Variants in EPHA2 observed in about 807,000 individuals in gnomAD.
EPHA2 encodes EPH receptor A2.
A neutral mutation model predicts 104.9 loss-of-function variants in EPHA2; 54 were observed. That is an observed-to-expected ratio of 0.51 (90% CI 0.41 to 0.65). The LOEUF is 0.65. Ranked by LOEUF, EPHA2 falls within the 30% of genes least tolerant of loss-of-function variation. The probability of loss-of-function intolerance (pLI) is 0.00; values close to 1 mark genes in which losing one functional copy is unlikely to be tolerated. For missense variants in EPHA2, 1,117 were observed against 1,369.5 expected, an observed-to-expected ratio of 0.82 and a Z score of 2.91; for synonymous variants, 560 against 559.1, an observed-to-expected ratio of 1.00 and a Z score of -0.02.
At chr1:16,143,929 G>A (rs1390830190) in intron 3 of EPHA2, among the ~76,000 whole-genome samples, 1 of 152,154 alleles carries the variant, frequency 6.6e-6, no homozygotes, top group Non-Finnish European at 1.5e-5. Flanking sequence ...CAGAAGGGGG[G>A]CTGCCCCCAG....
intron 3 of EPHA2, among the ~76,000 whole-genome samples, chr1:16,145,455 G>A (rs778130646): frequency 2.6e-5 from 4 of 152,136 alleles, no homozygotes; most frequent in Non-Finnish European, 4.4e-5. Flanking sequence ...GAGGAGAAAC[G>A]GACAAACTGG....
At chr1:16,129,913 A>G (rs2024541920) in intron 15 of EPHA2, among the ~76,000 whole-genome samples, 1 of 152,222 alleles carries the variant, frequency 6.6e-6, no homozygotes, top group Non-Finnish European at 1.5e-5. Flanking sequence ...CATGTAAGAT[A>G]TTCAATCGCC....
At chr1:16,141,972 G>C (rs1391815091) in intron 3 of EPHA2, among the ~76,000 whole-genome samples, 1 of 152,188 alleles carries the variant, frequency 6.6e-6, no homozygotes, top group Non-Finnish European at 1.5e-5. Context: ...CAGAGTTCAT[G>C]AGTAGGACAC....
In EPHA2 at chr1:16,149,007, T is replaced by G. The variant is rs2024987813; in HGVS notation, c.194A>C (p.Tyr65Ser). Residue 65 changes from tyrosine to serine, a missense_variant, in exon 3 of 17, where the codon TAC becomes TCC. Coordinates refer to ENST00000358432, the MANE Select transcript of EPHA2 (RefSeq NM_004431.5). ...MQNIMNDMPI[Y>S]MYSVCNVMSG... Reference sequence around the variant, plus strand: ...CATCACGTTGCACACGGAGTACATGTAGATCGGCATGTCATTCATGATGTT... The same window carrying G: ...CATCACGTTGCACACGGAGTACATGGAGATCGGCATGTCATTCATGATGTT... 3 of 1,613,842 alleles carry G rather than the reference T, an allele frequency of 1.9e-6. No homozygotes were observed. Among genetic ancestry groups the G allele is most frequent in the Admixed American group, 1.7e-5 (1 of 60,004 alleles).
rs1409813761 is a variant in EPHA2, at chr1:16,155,787, G to A, written c.85+61C>T. Reference sequence around the variant, plus strand: ...TCCAAAGTTGCGCGCGTCAAGGAGCGCCGGGCTCTAGGGGGCACTGGGGCC... The same window carrying A: ...TCCAAAGTTGCGCGCGTCAAGGAGCACCGGGCTCTAGGGGGCACTGGGGCC... On this transcript the variant is annotated intron_variant, in intron 1 of 16. Transcript: ENST00000358432. 8 of 1,263,884 alleles carry A rather than the reference G, an allele frequency of 6.3e-6. No individual in the cohort carries two copies. The African/African-American group carries it at 1.1e-4, about 17-fold the overall frequency. The allele number at this position is 1,263,884 out of a possible 1,614,324, so 78.3% of individuals were successfully genotyped here.
Position 16,134,060 on chromosome 1 carries a change from C to T in EPHA2, c.1683-145G>A. 3.7e-6 allele frequency: 3 copies of T among 810,530 alleles called. No individual in the cohort carries two copies. The highest frequency in any genetic ancestry group is 5.7e-6 in the Non-Finnish European group (3 of 522,870). The allele number at this position is 810,530 out of a possible 1,614,324, so 50.2% of individuals were successfully genotyped here. A position where few individuals can be genotyped will look rare whatever the true frequency, so the allele number is the denominator to read the frequency against. On this transcript the variant is annotated intron_variant, in intron 8 of 16. Transcript: ENST00000358432. The surrounding 1 kb of genome is among the most constrained non-coding windows in gnomAD (Gnocchi z 4.5). ...GTCCCCGCTTTTGCTGCCCAAGCTC[C>T]ACTCTCAGGGCCGAGGGTGCGGAGA... is the stretch of plus-strand genomic sequence containing the variant.
rs545810054 is a variant in EPHA2, at chr1:16,144,047, C to T, written c.823+4331G>A. ...GCACCACTCCCCACCTCAGCCCCCG[C>T]CTACCGCTCCTGTCCTGCCTCCAGC... On this transcript the variant is annotated intron_variant, in intron 3 of 16. Transcript: ENST00000358432. 5.4e-3 allele frequency among the ~76,000 whole-genome samples: 823 copies of T among 152,262 alleles called. 10 individuals are homozygous for T. The highest frequency in any genetic ancestry group is 0.019 in the African/African-American group (798 of 41,540).
intron 1 of EPHA2, among the ~76,000 whole-genome samples, chr1:16,154,981 C>T (rs991404705): frequency 2.0e-5 from 3 of 152,062 alleles, no homozygotes; most frequent in African/African-American, 2.4e-5. Context: ...AGGGACAACA[C>T]CCCCACCACG....
Position 16,135,096 on chromosome 1 carries a change from G to C in EPHA2, c.1522C>G (p.Gln508Glu), listed in dbSNP as rs1449188642. ...CCCTGGCCCTCCTGCGTCAGTGCCTGCACCTGGACCAGGTAGGTGGTGTCT... is the reference window on the plus strand; with the variant it reads ...CCCTGGCCCTCCTGCGTCAGTGCCTCCACCTGGACCAGGTAGGTGGTGTCT... ...APDTTYLVQV[Q>E]ALTQEGQGAG... Residue 508 changes from glutamine to glutamate, a missense_variant, in exon 7 of 17, where the codon CAG becomes GAG. Coordinates refer to ENST00000358432, the MANE Select transcript of EPHA2 (RefSeq NM_004431.5). The surrounding 1 kb of genome is among the most constrained non-coding windows in gnomAD (Gnocchi z 4.3). 6.2e-7 allele frequency: 1 copy of C among 1,613,892 alleles called. No homozygotes were observed. Among genetic ancestry groups the C allele is most frequent in the African/African-American group, 1.3e-5 (1 of 75,048 alleles).
rs185808210 is a variant in EPHA2 at position 16,148,378 on chromosome 1, C to T, written c.823G>A (p.Ala275Thr). 8 of 1,613,614 alleles carry T rather than the reference C, an allele frequency of 5.0e-6. No homozygotes were observed. The highest frequency in any genetic ancestry group is 3.3e-5 in the Admixed American group (2 of 60,024). Residue 275 changes from alanine to threonine, a missense_variant and splice_region_variant, in exon 3 of 17, where the codon GCC (alanine) becomes ACC (threonine). Coordinates refer to ENST00000358432, the MANE Select transcript of EPHA2 (RefSeq NM_004431.5). The surrounding 1 kb of genome is among the most constrained non-coding windows in gnomAD (Gnocchi z 4.9). ...CCTGCAACCCAGAACCGTCACTCAC[C>T]CTGGCAGGCATCCTCCACCTTCTCG... ...GYEKVEDACQ[A>T]CSPGFFKFEA...
At chr1:16,129,703 C>T (rs2024539086) in intron 15 of EPHA2, 114 bp from the exon 16 acceptor site, 1 of 1,367,380 alleles carries the variant, frequency 7.3e-7, no homozygotes, top group East Asian at 2.5e-5. Flanking sequence ...CCTCCGTCTC[C>T]TTATCTGGGC....
Position 16,124,409 on chromosome 1 carries a change from TAATA to T in EPHA2, c.*802_*805del, listed in dbSNP as rs895777501. The T allele has an allele frequency of 6.6e-6, 1 of 152,454 alleles. No homozygotes were observed. The highest frequency in any genetic ancestry group is 1.5e-5 in the Non-Finnish European group (1 of 68,000). 9.4% of individuals were successfully genotyped at this position (152,454 alleles called of 1,614,324 possible). A position where few individuals can be genotyped will look rare whatever the true frequency, so the allele number is the denominator to read the frequency against. On this transcript the variant is annotated 3_prime_UTR_variant, in exon 17 of 17. Transcript: ENST00000358432. ...TTTCTAACAATAAATATAAAAAAAA[TAATA>T]AATTAAGATTCGAAAAAAATGTCCA... is the stretch of plus-strand genomic sequence containing the variant.
intron 5 of EPHA2, among the ~76,000 whole-genome samples, chr1:16,136,707 A>G (rs1477162311): frequency 1.0e-5 from 1 of 95,496 alleles, no homozygotes. Flanking sequence ...AAGAAGAAGA[A>G]GAAGAAAAGA....
chr1:16,150,771 T>C lies in EPHA2; in HGVS notation c.153+125A>G. The C allele has an allele frequency of 9.0e-7, 1 of 1,113,232 alleles. No homozygotes were observed. 69.0% of individuals were successfully genotyped at this position (1,113,232 alleles called of 1,614,324 possible). On this transcript the variant is annotated intron_variant, in intron 2 of 16. Coordinates refer to ENST00000358432, the MANE Select transcript of EPHA2 (RefSeq NM_004431.5). This position sits in a 1 kb window ranked among gnomAD's most constrained non-coding sequence, Gnocchi z 4.8. ...GGTGTGAGAAGCTGGACCCTGAGCC[T>C]GAGACCTGGCTGAGCTGCTGAATTG...
rs1054935709 is a variant in EPHA2 at position 16,134,339 on chromosome 1, C to T, written c.1682+129G>A. ...ACACTCTAACTCGTATATCCTCGCA[C>T]CATCCGGAGGCAGGGATTAGACTCG... On this transcript the variant is annotated intron_variant, in intron 8 of 16. Coordinates refer to ENST00000358432, the MANE Select transcript of EPHA2 (RefSeq NM_004431.5). The surrounding 1 kb of genome is among the most constrained non-coding windows in gnomAD (Gnocchi z 4.5). 2 of 1,060,444 alleles carry T rather than the reference C, an allele frequency of 1.9e-6. No homozygotes were observed. Among genetic ancestry groups the T allele is most frequent in the African/African-American group, 1.6e-5 (1 of 63,516 alleles). The allele number at this position is 1,060,444 out of a possible 1,614,324, so 65.7% of individuals were successfully genotyped here. A position where few individuals can be genotyped will look rare whatever the true frequency, so the allele number is the denominator to read the frequency against.
At chr1:16,133,407 C>T in intron 10 of EPHA2, 39 bp from the exon 11 acceptor site, 1 of 1,613,904 alleles carries the variant, frequency 6.2e-7, no homozygotes, top group Non-Finnish European at 8.5e-7. Flanking sequence ...CCTGGTCAGC[C>T]CCGGCATGAG....
chr1:16,131,589 A>T lies in EPHA2; in HGVS notation c.2475+132T>A. 2.2e-6 allele frequency: 3 copies of T among 1,355,756 alleles called. No homozygotes were observed. The highest frequency in any genetic ancestry group is 2.0e-6 in the Non-Finnish European group (2 of 1,000,662). 84.0% of individuals were successfully genotyped at this position (1,355,756 alleles called of 1,614,324 possible). A position where few individuals can be genotyped will look rare whatever the true frequency, so the allele number is the denominator to read the frequency against. The stretch of plus-strand genomic sequence containing the variant: ...GAGCAAAACTCCGTCTCCAAAAAAA[A>T]AAAATAAACATTTATGGAGCAAGCC... On this transcript the variant is annotated intron_variant, in intron 14 of 16. Transcript: ENST00000358432. The surrounding 1 kb of genome is among the most constrained non-coding windows in gnomAD (Gnocchi z 5.2).
At position 16,128,192 on chromosome 1, in the gene EPHA2, G is replaced by A. The variant is rs370222420; in HGVS notation, c.2825+1242C>T. Among the ~76,000 whole-genome samples the A allele has an allele frequency of 2.0e-5, 3 of 152,186 alleles. No individual in the cohort carries two copies. The highest frequency in any genetic ancestry group is 7.2e-5 in the African/African-American group (3 of 41,440). ...TGCAATCCCATCAAACTTGATCAAGGTCACCCGCTAGGAAGTGGCAGATGC... is the reference window on the plus strand; with the variant it reads ...TGCAATCCCATCAAACTTGATCAAGATCACCCGCTAGGAAGTGGCAGATGC... On this transcript the variant is annotated intron_variant, in intron 16 of 16. Coordinates refer to ENST00000358432, the MANE Select transcript of EPHA2 (RefSeq NM_004431.5). This position sits in a 1 kb window ranked among gnomAD's most constrained non-coding sequence, Gnocchi z 4.7.
At chr1:16,154,359 C>A (rs1387361205) in intron 1 of EPHA2, among the ~76,000 whole-genome samples, 2 of 152,134 alleles carry the variant, frequency 1.3e-5, no homozygotes, top group East Asian at 3.9e-4. Flanking sequence ...AGACAGGATG[C>A]CACCCCCAAC....
Sources: allele counts gnomAD v4.1 joint callset (sites outside exome capture counted in the v4.1 genomes callset), GRCh38; gene constraint gnomAD v4.1.1; non-coding constraint Gnocchi (gnomAD v3.1); transcripts MANE v1.5; gene names NCBI Gene and HGNC (gene_info 2026-07-23, HGNC 2026-07-21).